The following CTNND2 variants were observed in gnomAD, a reference collection of about 807,000 sequenced individuals.
CTNND2 encodes the protein catenin delta-2.
In CTNND2, 22 loss-of-function variants were observed where a neutral mutation model predicts 144.4. The observed-to-expected ratio is 0.15, with a 90% CI of 0.11 to 0.22. The LOEUF is 0.22. Ranked by LOEUF, CTNND2 falls within the 10% of genes least tolerant of loss-of-function variation. The pLI, the probability that CTNND2 is intolerant of heterozygous loss-of-function variation, is 1.00. For synonymous variants in CTNND2, 751 were observed against 695.6 expected (o/e 1.08, Z -1.25); for missense variants, 1,353 against 1,618.8 (o/e 0.84, Z 2.82).
chr5:10,992,159 C>A (rs992944688), intron 19 of CTNND2, among the ~76,000 whole-genome samples: 4 of 152,168 alleles, frequency 2.6e-5, no homozygotes, highest in South Asian at 4.2e-4. Context: ...CTCAGGCAAT[C>A]CGCCTGCCTC....
intron 1 of CTNND2, among the ~76,000 whole-genome samples, chr5:11,880,266 C>T (rs1735932746): frequency 6.6e-6 from 1 of 151,926 alleles, no homozygotes; most frequent in Non-Finnish European, 1.5e-5. Flanking sequence ...GAAATGATTA[C>T]TATAAAAGGT....
chr5:11,111,319 AG>A lies in CTNND2; in HGVS notation c.2278-277del, dbSNP rs1409657516. Among the ~76,000 whole-genome samples, 4 of 152,320 alleles carry A rather than the reference AG, an allele frequency of 2.6e-5. No individual in the cohort carries two copies. The East Asian group carries it at 7.7e-4, about 29-fold the overall frequency. On this transcript the variant is annotated intron_variant, in intron 13 of 21. Transcript: ENST00000304623. ...TGTTGATTGAAATTCACTTGTGAGAAGGGAAGAATGTACAACCACGAGAGAT... is the reference window on the plus strand; with the variant it reads ...TGTTGATTGAAATTCACTTGTGAGAAGGAAGAATGTACAACCACGAGAGAT...
At chr5:11,532,954 G>A (rs914724353) in intron 3 of CTNND2, among the ~76,000 whole-genome samples, 7 of 152,162 alleles carry the variant, frequency 4.6e-5, no homozygotes, top group African/African-American at 1.7e-4. Context: ...ATGCAATTCA[G>A]AGGAGAATGT....
chr5:11,588,801 C>G, intron 2 of CTNND2: 3 of 985,258 alleles, frequency 3.0e-6, no homozygotes, highest in Non-Finnish European at 3.6e-6. Context: ...GCAAACAAGA[C>G]GACTAGTCCC....
intron 3 of CTNND2, among the ~76,000 whole-genome samples, chr5:11,419,866 A>G (rs1581155942): frequency 6.6e-6 from 1 of 152,334 alleles, no homozygotes; most frequent in East Asian, 1.9e-4. Context: ...TTGATGCCCA[A>G]AGCATCAGTC....
At chr5:11,737,659 T>C (rs1787766609) in intron 1 of CTNND2, among the ~76,000 whole-genome samples, 1 of 152,148 alleles carries the variant, frequency 6.6e-6, no homozygotes, top group African/African-American at 2.4e-5. Flanking sequence ...CCCAAATTCA[T>C]ATGCTGAAGC....
At chr5:11,818,172 G>A (rs1793116356) in intron 1 of CTNND2, among the ~76,000 whole-genome samples, 2 of 151,664 alleles carry the variant, frequency 1.3e-5, no homozygotes, top group South Asian at 4.1e-4. Flanking sequence ...TACACAGATG[G>A]AAAAAAGGAC....
intron 7 of CTNND2, among the ~76,000 whole-genome samples, chr5:11,372,613 C>T (rs575266483): frequency 2.6e-5 from 4 of 152,278 alleles, no homozygotes; most frequent in Middle Eastern, 6.8e-3. Flanking sequence ...GGTTTGACAC[C>T]TGCAACCAAT....
chr5:11,798,167 A>G (rs1477896536), intron 1 of CTNND2, among the ~76,000 whole-genome samples: 1 of 151,794 alleles, frequency 6.6e-6, no homozygotes, highest in East Asian at 1.9e-4. Context: ...GAGGCCAAGA[A>G]AGGAGAATCG....
chr5:10,975,040 G>A (rs1310318388), intron 21 of CTNND2, among the ~76,000 whole-genome samples: 1 of 152,198 alleles, frequency 6.6e-6, no homozygotes, highest in Non-Finnish European at 1.5e-5. Flanking sequence ...AAGTCCAAAA[G>A]TCCATAGAGG....
At chr5:11,664,058 A>C (rs1783422318) in intron 2 of CTNND2, among the ~76,000 whole-genome samples, 1 of 152,132 alleles carries the variant, frequency 6.6e-6, no homozygotes, top group South Asian at 2.1e-4. Context: ...CTTAACACAA[A>C]AGGTTTAGTC....
chr5:11,728,472 C>G (rs929652367), intron 2 of CTNND2, among the ~76,000 whole-genome samples: 3 of 152,070 alleles, frequency 2.0e-5, no homozygotes, highest in African/African-American at 7.2e-5. Context: ...AGCGACACTC[C>G]ATCTCAAAAA....
chr5:11,381,667 T>TA (rs1354821236), intron 7 of CTNND2, among the ~76,000 whole-genome samples: 2 of 152,154 alleles, frequency 1.3e-5, no homozygotes, highest in South Asian at 2.1e-4. Context: ...CACTGGAATC[T>TA]AAAAAACAAA....
At chr5:11,393,953 G>C (rs1306636971) in intron 6 of CTNND2, among the ~76,000 whole-genome samples, 3 of 152,014 alleles carry the variant, frequency 2.0e-5, no homozygotes, top group Non-Finnish European at 4.4e-5. Context: ...AACTCCTGCA[G>C]TCCACTGTAG....
intron 1 of CTNND2, among the ~76,000 whole-genome samples, chr5:11,899,470 G>T (rs1737684866): frequency 1.3e-5 from 2 of 151,946 alleles, no homozygotes; most frequent in African/African-American, 4.8e-5. Context: ...ATATATAAAG[G>T]GCTGGTATGT....
At chr5:11,211,884 T>C (rs1738676096) in intron 10 of CTNND2, among the ~76,000 whole-genome samples, 2 of 152,200 alleles carry the variant, frequency 1.3e-5, no homozygotes, top group Non-Finnish European at 2.9e-5. Flanking sequence ...GAATTTATGA[T>C]AGAAATGTCG....
chr5:11,786,415 T>C (rs988912512), intron 1 of CTNND2, among the ~76,000 whole-genome samples: 3 of 152,184 alleles, frequency 2.0e-5, no homozygotes, highest in African/African-American at 7.2e-5. Context: ...GAGGTGGTTA[T>C]AAATAAAGCA....
rs569169800 is a variant in CTNND2, at chr5:11,352,843, T to A, written c.1373-6216A>T. Among the ~76,000 whole-genome samples the A allele has an allele frequency of 2.6e-5, 4 of 152,314 alleles. No homozygotes were observed. In the East Asian group the frequency reaches 5.8e-4, roughly 22 times the overall value. Reference sequence around the variant, plus strand: ...AATGTTATGGCGATATACAGCATAATGGACTTCAGCAGGTTTCTAGAACTT... The same window carrying A: ...AATGTTATGGCGATATACAGCATAAAGGACTTCAGCAGGTTTCTAGAACTT... On this transcript the variant is annotated intron_variant, in intron 8 of 21. Coordinates refer to ENST00000304623, the MANE Select transcript of CTNND2 (RefSeq NM_001332.4).
At chr5:11,810,180 G>C (rs1792247732) in intron 1 of CTNND2, among the ~76,000 whole-genome samples, 1 of 151,986 alleles carries the variant, frequency 6.6e-6, no homozygotes, top group South Asian at 2.1e-4. Flanking sequence ...TCCATATCTA[G>C]TATCTACTAT....
Sources: allele counts gnomAD v4.1 joint callset (sites outside exome capture counted in the v4.1 genomes callset), GRCh38; gene constraint gnomAD v4.1.1; transcripts MANE v1.5; gene names NCBI Gene and HGNC (gene_info 2026-07-23, HGNC 2026-07-21).